The following ARHGEF3 variants were observed in gnomAD, a reference collection of about 807,000 sequenced individuals.
The protein encoded by ARHGEF3 is Rho guanine nucleotide exchange factor 3, also known as 59.8 kDA protein.
In ARHGEF3, 28 loss-of-function variants were observed where a neutral mutation model predicts 63.2. That is an observed-to-expected ratio of 0.44 (90% CI 0.33 to 0.61). ARHGEF3 has a LOEUF of 0.61. Ranked by LOEUF, ARHGEF3 falls within the 20% of genes least tolerant of loss-of-function variation. The pLI is 0.03. For synonymous variants in ARHGEF3, 266 were observed against 254.2 expected, an observed-to-expected ratio of 1.05 and a Z score of -0.44; for missense variants, 533 against 659.3, an observed-to-expected ratio of 0.81 and a Z score of 2.10.
chr3:56,769,150 G>C (rs1220067160), intron 2 of ARHGEF3, among the ~76,000 whole-genome samples: 2 of 152,222 alleles, frequency 1.3e-5, no homozygotes. Flanking sequence ...AGTCCAAAGA[G>C]AATGAGGGGC....
In ARHGEF3 at chr3:57,003,747, G is replaced by A. The variant is rs533937293; in HGVS notation, c.62+31341C>T. ...AAGCAAGAAGGTCCGAGCAGTAGTA[G>A]GAGATGTGATCATGGAAGCAGAGGT... On this transcript the variant is annotated intron_variant, in intron 2 of 12. Coordinates refer to the ARHGEF3 transcript ENST00000338458. 3.2e-3 allele frequency among the ~76,000 whole-genome samples: 483 copies of A among 152,322 alleles called. 2 individuals carry two copies. The highest frequency in any genetic ancestry group is 0.011 in the African/African-American group (466 of 41,588).
At chr3:56,844,148 T>G (rs551723390) in intron 4 of ARHGEF3, among the ~76,000 whole-genome samples, 13 of 152,354 alleles carry the variant, frequency 8.5e-5, no homozygotes, top group Admixed American at 2.0e-4. Context: ...TGCTCGACAG[T>G]GCAGAATACA....
At chr3:57,011,079 A>T (rs113599233) in intron 2 of ARHGEF3, among the ~76,000 whole-genome samples, 1,627 of 152,272 alleles carry the variant, frequency 0.011, 19 homozygotes, top group African/African-American at 0.036. Context: ...TAGTGGGAGC[A>T]CCCCTGCGTG....
At chr3:57,032,528 C>T (rs1194263888) in intron 2 of ARHGEF3, among the ~76,000 whole-genome samples, 1 of 152,154 alleles carries the variant, frequency 6.6e-6, no homozygotes, top group African/African-American at 2.4e-5. Flanking sequence ...TGCTGGTTTC[C>T]TTTTACTCTT....
At chr3:56,776,770 A>C (rs1315945826) in intron 1 of ARHGEF3, among the ~76,000 whole-genome samples, 2 of 152,216 alleles carry the variant, frequency 1.3e-5, no homozygotes, top group East Asian at 3.8e-4. Context: ...CACAACCTGC[A>C]GGGACGCTTC....
intron 1 of ARHGEF3, among the ~76,000 whole-genome samples, chr3:56,776,957 T>G (rs1374853019): frequency 2.6e-5 from 4 of 152,242 alleles, no homozygotes; most frequent in Non-Finnish European, 4.4e-5. Context: ...CTGAGCATTC[T>G]GTATAGACAG....
intron 1 of ARHGEF3, among the ~76,000 whole-genome samples, chr3:56,781,890 G>A (rs2036583465): frequency 6.6e-6 from 1 of 152,194 alleles, no homozygotes; most frequent in African/African-American, 2.4e-5. Context: ...AGAGTCAAGA[G>A]AGTCAGTGTC....
chr3:56,761,304 A>G (rs1435254569), intron 2 of ARHGEF3, among the ~76,000 whole-genome samples: 1 of 152,094 alleles, frequency 6.6e-6, no homozygotes, highest in African/African-American at 2.4e-5. Context: ...ACTACATGAG[A>G]GAACTAGAGT....
At chr3:56,899,949 CT>C (rs990985935) in intron 3 of ARHGEF3, among the ~76,000 whole-genome samples, 1 of 152,206 alleles carries the variant, frequency 6.6e-6, no homozygotes, top group African/African-American at 2.4e-5. Context: ...AATGGGAGTG[CT>C]TGGGCGACCC....
rs60404227 is a variant in ARHGEF3, at chr3:56,914,461, A to G, written c.130-32107T>C. ...AAAAACTGTTTAATGTGGGGCATGC[A>G]GTAAACAGCTCTCAAATCTTTCAGC... is the stretch of plus-strand genomic sequence containing the variant. On this transcript the variant is annotated intron_variant, in intron 3 of 12. Transcript: ENST00000338458. Among the ~76,000 whole-genome samples, 1,048 of 152,362 alleles carry G rather than the reference A, an allele frequency of 6.9e-3. 12 individuals are homozygous for G. Among genetic ancestry groups the G allele is most frequent in the African/African-American group, 0.024 (980 of 41,586 alleles).
At chr3:57,058,299 C>T (rs1412583693) in intron 1 of ARHGEF3, among the ~76,000 whole-genome samples, 1 of 152,212 alleles carries the variant, frequency 6.6e-6, no homozygotes, top group Admixed American at 6.5e-5. Flanking sequence ...TGTTCCAAAT[C>T]AGTCTGGTCT....
chr3:56,753,960 G>A (rs546554963), intron 3 of ARHGEF3, among the ~76,000 whole-genome samples: 1 of 152,328 alleles, frequency 6.6e-6, no homozygotes, highest in Non-Finnish European at 1.5e-5. Context: ...GGATGTGGCA[G>A]TATTATTAAC....
intron 8 of ARHGEF3, 104 bp downstream of exon 8, chr3:56,737,081 A>G (rs2033673445): frequency 3.9e-6 from 5 of 1,266,264 alleles, no homozygotes; most frequent in Non-Finnish European, 5.4e-6. Context: ...CTCAAAAAAG[A>G]ACATGACCCT....
chr3:56,919,721 A>G (rs1171975665), intron 3 of ARHGEF3, among the ~76,000 whole-genome samples: 1 of 152,246 alleles, frequency 6.6e-6, no homozygotes, highest in East Asian at 1.9e-4. Flanking sequence ...ATGTTTTAAT[A>G]TGAGCACTTA....
intron 4 of ARHGEF3, among the ~76,000 whole-genome samples, chr3:56,860,198 G>T (rs2040026317): frequency 6.6e-6 from 1 of 151,520 alleles, no homozygotes; most frequent in Non-Finnish European, 1.5e-5. Flanking sequence ...ATTTTTTAGA[G>T]ACAGAGTCTC....
chr3:57,041,999 AC>A (rs2107260837), intron 1 of ARHGEF3, among the ~76,000 whole-genome samples: 1 of 152,278 alleles, frequency 6.6e-6, no homozygotes, highest in South Asian at 2.1e-4. Flanking sequence ...AGAGATAATG[AC>A]ATGAGCAGCC....
At chr3:56,905,130 T>C (rs1350202616) in intron 3 of ARHGEF3, among the ~76,000 whole-genome samples, 1 of 152,250 alleles carries the variant, frequency 6.6e-6, no homozygotes, top group Non-Finnish European at 1.5e-5. Flanking sequence ...GGAAGCCTTC[T>C]CTGATTCACC....
intron 7 of ARHGEF3, among the ~76,000 whole-genome samples, chr3:56,743,249 G>A (rs1005300284): frequency 6.6e-6 from 1 of 152,190 alleles, no homozygotes; most frequent in Non-Finnish European, 1.5e-5. Flanking sequence ...ATCAGAAGAG[G>A]GTCCTTTATT....
At chr3:57,022,472 C>CA (rs11368903) in intron 2 of ARHGEF3, among the ~76,000 whole-genome samples, 4,797 of 150,636 alleles carry the variant, frequency 0.032, 281 homozygotes, top group African/African-American at 0.11. Flanking sequence ...TTCCTATATA[C>CA]AAAAAAAAAG....
Sources: gnomAD v4.1 joint callset for allele counts (sites outside exome capture counted in the v4.1 genomes callset) on GRCh38, gnomAD v4.1.1 for gene constraint, MANE v1.5 for transcripts, NCBI Gene and HGNC (gene_info 2026-07-23, HGNC 2026-07-21) for gene names.